WHRN: variants seen among roughly 807,000 people sequenced by gnomAD.
The protein encoded by WHRN is CASK-interacting protein CIP98.
WHRN carries 41 observed loss-of-function variants against 68.3 expected under a neutral mutation model. The observed-to-expected ratio is 0.60, with a 90% confidence interval of 0.47 to 0.78. WHRN has a LOEUF of 0.78. WHRN is among the 30% of genes least tolerant of loss of function. The pLI, the probability that WHRN is intolerant of heterozygous loss-of-function variation, is 0.00. For missense variants in WHRN, 1,243 were observed against 1,244.7 expected (o/e 1.00, Z 0.02); for synonymous variants, 560 against 561.3 (o/e 1.00, Z 0.03).
At chr9:114,488,041 G>A (rs1296861224) in intron 1 of WHRN, among the ~76,000 whole-genome samples, 4 of 152,236 alleles carry the variant, frequency 2.6e-5, no homozygotes, top group Admixed American at 1.3e-4. Context: ...ACCTGGTGGT[G>A]TCTTAGGGTG....
chr9:114,480,534 T>C (rs1391172714), intron 1 of WHRN, among the ~76,000 whole-genome samples: 2 of 152,026 alleles, frequency 1.3e-5, no homozygotes, highest in Non-Finnish European at 2.9e-5. Flanking sequence ...AGATGGAAGT[T>C]TTCAAGTCTG....
intron 3 of WHRN, among the ~76,000 whole-genome samples, chr9:114,432,213 T>G (rs1837482178): frequency 6.6e-6 from 1 of 152,152 alleles, no homozygotes; most frequent in African/African-American, 2.4e-5. Flanking sequence ...TCAGACACTT[T>G]GAGAAGAGCA....
In WHRN at chr9:114,424,312, T is replaced by A. The variant is rs4979386; in HGVS notation, c.1416+22A>T. On this transcript the variant is annotated intron_variant, in intron 6 of 11. Coordinates refer to ENST00000362057, the MANE Select transcript of WHRN (RefSeq NM_015404.4). The stretch of plus-strand genomic sequence containing the variant: ...GAGCCCTGGAAATGCTGAAGCCAGT[T>A]GGGAGGCAGGGCACGGGTCACCTTG... 376,026 of 1,610,756 alleles carry A rather than the reference T, an allele frequency of 0.23. 47,016 individuals are homozygous for A. Among genetic ancestry groups the A allele is most frequent in the Admixed American group, 0.39 (23,209 of 59,966 alleles).
chr9:114,466,050 C>A (rs540485939), intron 3 of WHRN, among the ~76,000 whole-genome samples: 1 of 152,352 alleles, frequency 6.6e-6, no homozygotes, highest in Non-Finnish European at 1.5e-5. Flanking sequence ...AAAACAGCAG[C>A]ACGACAAGTT....
chr9:114,427,996 G>A (rs975444473), intron 3 of WHRN, among the ~76,000 whole-genome samples: 3 of 152,160 alleles, frequency 2.0e-5, no homozygotes, highest in African/African-American at 7.2e-5. Flanking sequence ...TCTCCACACT[G>A]TATCCCCAGG....
chr9:114,488,286 G>A (rs1223312670), intron 1 of WHRN, among the ~76,000 whole-genome samples: 2 of 152,188 alleles, frequency 1.3e-5, no homozygotes, highest in East Asian at 1.9e-4. Flanking sequence ...TGGGCAGGGC[G>A]CACAGGAGGT....
chr9:114,473,343 TC>T, intron 2 of WHRN, among the ~76,000 whole-genome samples: 2 of 152,256 alleles, frequency 1.3e-5, no homozygotes, highest in South Asian at 4.1e-4. Context: ...CTCTGCTGTC[TC>T]TCCTGGATGG....
chr9:114,454,666 A>T (rs1476014337), intron 3 of WHRN, among the ~76,000 whole-genome samples: 1 of 148,862 alleles, frequency 6.7e-6, no homozygotes, highest in Admixed American at 6.8e-5. Context: ...CACAATTCCA[A>T]TTCCAATCCC....
intron 3 of WHRN, among the ~76,000 whole-genome samples, chr9:114,448,347 T>C (rs1339328849): frequency 6.6e-6 from 1 of 151,836 alleles, no homozygotes; most frequent in Non-Finnish European, 1.5e-5. Context: ...GAAGAGCGGT[T>C]GGAGGGATGA....
At chr9:114,436,325 A>G (rs541325806) in intron 3 of WHRN, among the ~76,000 whole-genome samples, 2 of 152,362 alleles carry the variant, frequency 1.3e-5, no homozygotes, top group African/African-American at 4.8e-5. Context: ...TCAAAATCCA[A>G]TGAACTGTGA....
intron 7 of WHRN, among the ~76,000 whole-genome samples, chr9:114,410,509 T>C (rs1486836156): frequency 6.6e-6 from 1 of 152,150 alleles, no homozygotes; most frequent in Non-Finnish European, 1.5e-5. Flanking sequence ...TGTCTGAGTG[T>C]GAAGGCAGCA....
chr9:114,476,697 C>T lies in WHRN; in HGVS notation c.837+1856G>A, dbSNP rs539053682. ...GTGCTCTTGTCCACTCCCATAACAT[C>T]GTCAAGCACCCAGGTGCTCAGCAAA... On this transcript the variant is annotated intron_variant, in intron 2 of 11. Transcript: ENST00000362057. Among the ~76,000 whole-genome samples, 33 of 152,234 alleles carry T rather than the reference C, an allele frequency of 2.2e-4. No individual in the cohort carries two copies. In the South Asian group the frequency reaches 5.8e-3, roughly 27 times the overall value.
chr9:114,406,584 C>A lies in WHRN; in HGVS notation c.2007G>T (p.Leu669=). The A allele has an allele frequency of 6.2e-7, 1 of 1,610,936 alleles. No individual in the cohort carries two copies. The highest frequency in any genetic ancestry group is 1.1e-5 in the South Asian group (1 of 90,976). ...PSSKRPLDAH[L]ALVNQHPIGP... Reference sequence around the variant, plus strand: ...CGATGGGGTGTTGGTTGACCAGGGCCAGATGGGCGTCCAGCGGCCTCTTGG... The same window carrying A: ...CGATGGGGTGTTGGTTGACCAGGGCAAGATGGGCGTCCAGCGGCCTCTTGG... The change falls in exon 9 of 12, where the codon CTG becomes CTT. Residue 669 remains leucine (L), a synonymous_variant. Coordinates refer to ENST00000362057, the MANE Select transcript of WHRN (RefSeq NM_015404.4).
chr9:114,404,203 G>A lies in WHRN; in HGVS notation c.2237-126C>T, dbSNP rs1347544339. On this transcript the variant is annotated intron_variant, in intron 9 of 11. Transcript: ENST00000362057. ...ATTCCCCAGGCAAAGATGGGGGAAG[G>A]AATGAAGAGATCGTGGGGCCAGAGG... The A allele has an allele frequency of 3.8e-6, 4 of 1,048,248 alleles. No individual in the cohort carries two copies. In the African/African-American group the frequency reaches 6.3e-5, roughly 16 times the overall value. The allele number at this position is 1,048,248 out of a possible 1,614,324, so 64.9% of individuals were successfully genotyped here.
intron 3 of WHRN, among the ~76,000 whole-genome samples, chr9:114,434,922 C>T (rs1362214785): frequency 6.6e-6 from 1 of 152,104 alleles, no homozygotes; most frequent in East Asian, 1.9e-4. Flanking sequence ...TTTTCCGATC[C>T]AACCATACTT....
rs148971049 is a variant in WHRN, at chr9:114,404,007, G to A, written c.2307C>T (p.Gly769=). The change falls in exon 10 of 12, where the codon GGC becomes GGT. Residue 769 remains glycine (G), a synonymous_variant. Coordinates refer to ENST00000362057, the MANE Select transcript of WHRN (RefSeq NM_015404.4). The part of the protein sequence containing the change: ...TLSEDSGVDA[G]EAEASAPGRG... ...GGCCTGGGGCGCTGGCCTCTGCCTC[G>A]CCAGCATCCACACCACTGTCCTCGC... The A allele has an allele frequency of 1.0e-4, 162 of 1,613,122 alleles. No individual in the cohort carries two copies. The highest frequency in any genetic ancestry group is 4.0e-4 in the Admixed American group (24 of 60,032).
In WHRN at chr9:114,490,651, T is replaced by C. The variant is rs535548227; in HGVS notation, c.619-11880A>G. On this transcript the variant is annotated intron_variant, in intron 1 of 11. Transcript: ENST00000362057. ...TGCTTCCATGCTGCGAATGCCGGGATCTCAGAGGCTGGAAGAAAGACCTGA... is the reference window on the plus strand; with the variant it reads ...TGCTTCCATGCTGCGAATGCCGGGACCTCAGAGGCTGGAAGAAAGACCTGA... Among the ~76,000 whole-genome samples the C allele has an allele frequency of 9.8e-5, 15 of 152,324 alleles. No individual in the cohort carries two copies. The South Asian group carries it at 3.1e-3, about 32-fold the overall frequency.
At chr9:114,479,983 A>C (rs1325085680) in intron 1 of WHRN, among the ~76,000 whole-genome samples, 1 of 152,200 alleles carries the variant, frequency 6.6e-6, no homozygotes, top group Non-Finnish European at 1.5e-5. Flanking sequence ...GAATCACTTG[A>C]ACCCTGGAGG....
chr9:114,433,625 C>G (rs1020855610), intron 3 of WHRN, among the ~76,000 whole-genome samples: 3 of 151,940 alleles, frequency 2.0e-5, no homozygotes, highest in African/African-American at 7.3e-5. Flanking sequence ...GTAAGCAATA[C>G]AGTTTTAATG....
Sources: allele counts gnomAD v4.1 joint callset (sites outside exome capture counted in the v4.1 genomes callset), GRCh38; gene constraint gnomAD v4.1.1; transcripts MANE v1.5; gene names NCBI Gene and HGNC (gene_info 2026-07-23, HGNC 2026-07-21).